FBN1: variants seen among roughly 807,000 people sequenced by gnomAD.
The protein encoded by FBN1 is fibrillin 1.
A neutral mutation model predicts 365.1 loss-of-function variants in FBN1; 29 were observed. The observed-to-expected ratio is 0.08, with a 90% CI of 0.06 to 0.11. FBN1 has a LOEUF of 0.11. Among genes scored for constraint, FBN1 ranks in the 10% least tolerant of loss-of-function variants. The pLI is 1.00. For missense variants in FBN1, 2,476 were observed against 3,703.2 expected (o/e 0.67, Z 8.60); for synonymous variants, 1,210 against 1,270.5 (o/e 0.95, Z 1.01).
At chr15:48,640,539 T>A (rs930043386) in intron 2 of FBN1, among the ~76,000 whole-genome samples, 11 of 152,200 alleles carry the variant, frequency 7.2e-5, no homozygotes, top group Admixed American at 2.0e-4. Context: ...GACTTCTACA[T>A]AACTAATCCC....
intron 6 of FBN1, among the ~76,000 whole-genome samples, chr15:48,541,256 G>A (rs991364941): frequency 3.9e-5 from 6 of 152,100 alleles, no homozygotes; most frequent in Non-Finnish European, 8.8e-5. Context: ...AATTTATTAA[G>A]TATACTATAT....
chr15:48,587,024 C>T (rs532844076), intron 6 of FBN1, among the ~76,000 whole-genome samples: 1 of 152,272 alleles, frequency 6.6e-6, no homozygotes, highest in African/African-American at 2.4e-5. Context: ...AACCCGATGC[C>T]TCCCCAAGAA....
chr15:48,516,835 G>A (rs766317627), intron 10 of FBN1, among the ~76,000 whole-genome samples: 21 of 152,178 alleles, frequency 1.4e-4, no homozygotes, highest in Admixed American at 3.3e-4. Context: ...ACATTACTGC[G>A]GGGAGGCAAG....
chr15:48,624,948 T>C (rs532704853), intron 2 of FBN1, among the ~76,000 whole-genome samples: 38 of 152,314 alleles, frequency 2.5e-4, no homozygotes, highest in African/African-American at 8.2e-4. Flanking sequence ...CCAGAAATTC[T>C]CAAACCAAGA....
At chr15:48,446,676 C>A (rs576319196) in intron 47 of FBN1, 30 bp downstream of exon 47, 1 of 1,347,888 alleles carries the variant, frequency 7.4e-7, no homozygotes, top group African/African-American at 1.4e-5. Flanking sequence ...AACTGACTTC[C>A]TTTGCTGATG....
intron 5 of FBN1, among the ~76,000 whole-genome samples, chr15:48,597,192 C>T (rs777589459): frequency 2.6e-5 from 4 of 152,198 alleles, no homozygotes; most frequent in African/African-American, 9.6e-5. Context: ...ATTTTCTATA[C>T]ATTTTTCCAT....
rs1156812227 is a variant in FBN1 at position 48,489,905 on chromosome 15, T to G, written c.3028A>C (p.Arg1010=). 6.2e-7 allele frequency: 1 copy of G among 1,614,080 alleles called. No individual in the cohort carries two copies. Among genetic ancestry groups the G allele is most frequent in the East Asian group, 2.2e-5 (1 of 44,884 alleles). The part of the protein sequence containing the change: ...NTPEYEELCP[R]GPGFATKEIT... ...TCTTTTGTGGCAAATCCGGGTCCTC[T>G]CGGACACAGCTCCTCGTACTCAGGA... The change falls in exon 25 of 66, where the codon AGA becomes CGA. Residue 1010 remains arginine (R), a synonymous_variant. Transcript: ENST00000316623.
intron 3 of FBN1, among the ~76,000 whole-genome samples, chr15:48,611,859 C>T (rs934872863): frequency 5.9e-5 from 9 of 152,196 alleles, no homozygotes; most frequent in African/African-American, 2.2e-4. Flanking sequence ...AGCTCCTGCA[C>T]AATCTTGCAA....
At chr15:48,608,092 T>G (rs1368480942) in intron 4 of FBN1, among the ~76,000 whole-genome samples, 1 of 152,228 alleles carries the variant, frequency 6.6e-6, no homozygotes, top group African/African-American at 2.4e-5. Flanking sequence ...GGCTGGTACT[T>G]TGAACCTTCT....
Position 48,456,544 on chromosome 15 carries a change from G to C in FBN1, c.5422+93C>G, listed in dbSNP as rs541381863. 4.7e-6 allele frequency: 6 copies of C among 1,273,016 alleles called. No homozygotes were observed. The South Asian group carries it at 7.2e-5, about 15-fold the overall frequency. The allele number at this position is 1,273,016 out of a possible 1,614,324, so 78.9% of individuals were successfully genotyped here. ...TATTTCTAGAGCTTAATGCATTTCT[G>C]AAATTTCAATGTTGTGAAATTCGCC... On this transcript the variant is annotated intron_variant, in intron 44 of 65. Transcript: ENST00000316623.
intron 64 of FBN1, among the ~76,000 whole-genome samples, chr15:48,414,488 C>T (rs917943450): frequency 1.3e-5 from 2 of 152,104 alleles, no homozygotes; most frequent in African/African-American, 4.8e-5. Context: ...TGTGCACTTC[C>T]TCTCAGGATA....
At chr15:48,492,354 A>AGT in intron 24 of FBN1, 107 bp downstream of exon 24, 1 of 1,099,610 alleles carries the variant, frequency 9.1e-7, no homozygotes, top group Admixed American at 1.8e-5. Flanking sequence ...TGAATTTTGG[A>AGT]GTGTGTGTCT....
Position 48,420,941 on chromosome 15 carries a change from T to A in FBN1, c.7700-135A>T, listed in dbSNP as rs1025362545. ...CCAAAAACTTCAAGAATCTCTCTTC[T>A]GGAACTGCTGCTAAGTCCAAGGAGA... On this transcript the variant is annotated intron_variant, in intron 62 of 65. Coordinates refer to ENST00000316623, the MANE Select transcript of FBN1 (RefSeq NM_000138.5). 4.2e-6 allele frequency: 4 copies of A among 957,544 alleles called. No individual in the cohort carries two copies. The African/African-American group carries it at 6.5e-5, about 16-fold the overall frequency. 59.3% of individuals were successfully genotyped at this position (957,544 alleles called of 1,614,324 possible). A position where few individuals can be genotyped will look rare whatever the true frequency, so the allele number is the denominator to read the frequency against.
intron 2 of FBN1, among the ~76,000 whole-genome samples, chr15:48,640,695 C>T (rs1020477207): frequency 1.3e-5 from 2 of 152,194 alleles, no homozygotes; most frequent in Non-Finnish European, 2.9e-5. Context: ...TCAAATACAA[C>T]TGGTCTCATG....
At chr15:48,564,724 A>C (rs943190917) in intron 6 of FBN1, among the ~76,000 whole-genome samples, 1 of 152,222 alleles carries the variant, frequency 6.6e-6, no homozygotes, top group Non-Finnish European at 1.5e-5. Context: ...GTCCCAACAG[A>C]AACTTGGCTT....
intron 6 of FBN1, among the ~76,000 whole-genome samples, chr15:48,556,154 G>C (rs2044178455): frequency 6.6e-6 from 1 of 152,056 alleles, no homozygotes; most frequent in African/African-American, 2.4e-5. Flanking sequence ...TACTTAATGG[G>C]GTAAGGCTGT....
chr15:48,450,204 C>T (rs1012647954), intron 45 of FBN1, among the ~76,000 whole-genome samples: 1 of 152,146 alleles, frequency 6.6e-6, no homozygotes, highest in African/African-American at 2.4e-5. Flanking sequence ...CAGGTCCTAC[C>T]ATAGTTGGCC....
chr15:48,541,322 T>C (rs1335488812), intron 6 of FBN1, among the ~76,000 whole-genome samples: 1 of 152,236 alleles, frequency 6.6e-6, no homozygotes, highest in Non-Finnish European at 1.5e-5. Context: ...ATTTCTGTGC[T>C]AGATATTTAT....
intron 15 of FBN1, among the ~76,000 whole-genome samples, chr15:48,506,787 A>G (rs1008705021): frequency 6.6e-6 from 1 of 152,226 alleles, no homozygotes; most frequent in African/African-American, 2.4e-5. Context: ...GACAAAAATT[A>G]TAAAAAGGAA....
Sources: gnomAD v4.1 joint callset for allele counts (sites outside exome capture counted in the v4.1 genomes callset) on GRCh38, gnomAD v4.1.1 for gene constraint, MANE v1.5 for transcripts, NCBI Gene and HGNC (gene_info 2026-07-23, HGNC 2026-07-21) for gene names.